Variants in ELOVL2 observed in about 807,000 individuals in gnomAD.
The protein encoded by ELOVL2 is ELOVL fatty acid elongase 2.
Under a neutral mutation model 37.7 loss-of-function variants are expected in ELOVL2, and 38 were observed. The ratio of observed to expected loss-of-function variants is 1.01; its 90% CI spans 0.78 to 1.32. The LOEUF (loss-of-function observed/expected upper bound fraction) is 1.32. Among genes scored for constraint, ELOVL2 ranks in the 40% most tolerant of loss-of-function variants. The pLI is 0.00. For missense variants in ELOVL2, 352 were observed against 363.6 expected, an observed-to-expected ratio of 0.97 and a Z score of 0.26; for synonymous variants, 115 against 122.3, an observed-to-expected ratio of 0.94 and a Z score of 0.40.
Position 11,005,285 on chromosome 6 carries a change from C to T in ELOVL2, c.255+87G>A, listed in dbSNP as rs959392968. On this transcript the variant is annotated intron_variant, in intron 3 of 7. Transcript: ENST00000354666. ...GTTTTTAGGTCTTAAAGTAACCTTG[C>T]ATAGTTCTGCCAGGCTAGATGTGGT... The T allele has an allele frequency of 5.0e-6, 6 of 1,193,764 alleles. No homozygotes were observed. The Admixed American group carries it at 1.1e-4, about 23-fold the overall frequency. 73.9% of individuals were successfully genotyped at this position (1,193,764 alleles called of 1,614,324 possible). A position where few individuals can be genotyped will look rare whatever the true frequency, so the allele number is the denominator to read the frequency against.
At position 10,989,713 on chromosome 6, in the gene ELOVL2, A is replaced by G; in HGVS notation, c.755T>C (p.Phe252Ser). 6.2e-7 allele frequency: 1 copy of G among 1,613,980 alleles called. No homozygotes were observed. The highest frequency in any genetic ancestry group is 8.5e-7 in the Non-Finnish European group (1 of 1,179,848). ...MLTLVILFLN[F>S]YVQTYRKKPM... ...TTACATTCCACGTACCTGAACGTAAAAATTTAAGAAGAGGATGACTAACGT... is the reference window on the plus strand; with the variant it reads ...TTACATTCCACGTACCTGAACGTAAGAATTTAAGAAGAGGATGACTAACGT... The change falls in exon 7 of 8, where the codon TTT becomes TCT. Residue 252 changes from phenylalanine (F) to serine (S), a missense_variant. Physicochemically the swap from Phe to Ser is radical, Grantham distance 155. Transcript: ENST00000354666.
At chr6:10,990,171 CAA>C (rs1355252786) in intron 6 of ELOVL2, 145 bp downstream of exon 6, 8 of 948,638 alleles carry the variant, frequency 8.4e-6, no homozygotes, top group African/African-American at 1.7e-5. Context: ...CATTTCAACA[CAA>C]AAAGTTTAAT....
intron 1 of ELOVL2, among the ~76,000 whole-genome samples, chr6:11,016,326 G>T (rs1291010715): frequency 6.6e-6 from 1 of 152,078 alleles, no homozygotes; most frequent in African/African-American, 2.4e-5. Flanking sequence ...AGACACATTC[G>T]ATGAGAACAG....
intron 3 of ELOVL2, among the ~76,000 whole-genome samples, chr6:11,004,614 A>C (rs775028285): frequency 1.3e-5 from 2 of 152,146 alleles, no homozygotes; most frequent in Non-Finnish European, 2.9e-5. Context: ...CTAAAACGTC[A>C]GTGTTCCAAA....
chr6:11,031,579 T>C (rs1782930622), intron 1 of ELOVL2, among the ~76,000 whole-genome samples: 1 of 152,202 alleles, frequency 6.6e-6, no homozygotes. Flanking sequence ...ATAAGGGTCA[T>C]TTACACATTC....
intron 1 of ELOVL2, among the ~76,000 whole-genome samples, chr6:11,032,366 AGAG>A (rs1305498651): frequency 6.7e-6 from 1 of 150,318 alleles, no homozygotes; most frequent in East Asian, 1.9e-4. Flanking sequence ...AAAAAAATGT[AGAG>A]GAGACTAGGA....
At position 10,989,821 on chromosome 6, in the gene ELOVL2, G is replaced by C; in HGVS notation, c.647C>G (p.Thr216Ser). ...GACGGCGCTCATGGTGTGCGTGATG[G>C]TGAGCACGAACTGCACCTGGGGACG... Reference protein sequence around the residue: ...TQAQLVQFVLTITHTMSAVVK... With the variant: ...TQAQLVQFVLSITHTMSAVVK... The change falls in exon 7 of 8, where the codon ACC (threonine) becomes AGC (serine). Residue 216 changes from threonine to serine, a missense_variant. Physicochemically the swap from Thr to Ser is moderately conservative, Grantham distance 58. Coordinates refer to ENST00000354666, the MANE Select transcript of ELOVL2 (RefSeq NM_017770.4). 1 of 1,614,156 alleles carries C rather than the reference G, an allele frequency of 6.2e-7. No individual in the cohort carries two copies. Among genetic ancestry groups the C allele is most frequent in the South Asian group, 1.1e-5 (1 of 91,084 alleles).
In ELOVL2 at chr6:11,005,390, G is replaced by A. The variant is rs116021127; in HGVS notation, c.237C>T (p.Ser79=). 552 of 1,613,478 alleles carry A rather than the reference G, an allele frequency of 3.4e-4. 5 individuals carry two copies. The highest frequency in any genetic ancestry group is 3.3e-3 in the African/African-American group (249 of 75,024). The part of the protein sequence containing the change: ...TLYNLGITLL[S]AYMLAELILS... ...CACTTACCTCTGCCAGCATGTACGC[G>A]GAGAGAAGTGTGATTCCAAGATTAT... is the stretch of plus-strand genomic sequence containing the variant. Residue 79 remains serine (S), a synonymous_variant, in exon 3 of 8, where the codon TCC becomes TCT. Transcript: ENST00000354666.
rs1015058472 is a variant in ELOVL2 at position 10,981,208 on chromosome 6, A to G, written c.*2573T>C. On this transcript the variant is annotated 3_prime_UTR_variant, in exon 8 of 8. Transcript: ENST00000354666. ...AAAATTGGGGGAATTATTAATAGAT[A>G]TGCTTTACAGTATTTAAGTATTTTC... 33 of 152,458 alleles carry G rather than the reference A, an allele frequency of 2.2e-4. No homozygotes were observed. The highest frequency in any genetic ancestry group is 7.7e-4 in the African/African-American group (32 of 41,590). The allele number at this position is 152,458 out of a possible 1,614,324, so 9.4% of individuals were successfully genotyped here.
In ELOVL2 at chr6:11,016,370, A is replaced by G. The variant is rs113476317; in HGVS notation, c.4-5561T>C. On this transcript the variant is annotated intron_variant, in intron 1 of 7. Coordinates refer to ENST00000354666, the MANE Select transcript of ELOVL2 (RefSeq NM_017770.4). Reference sequence around the variant, plus strand: ...TACCACCAACTCACTGCTTTTTAAAATTAGCAAAAACCATTAAGATCACAA... The same window carrying G: ...TACCACCAACTCACTGCTTTTTAAAGTTAGCAAAAACCATTAAGATCACAA... 2.9e-3 allele frequency among the ~76,000 whole-genome samples: 444 copies of G among 152,338 alleles called. 3 individuals are homozygous for G. The highest frequency in any genetic ancestry group is 0.01 in the African/African-American group (427 of 41,560).
intron 1 of ELOVL2, chr6:11,043,917 G>T (rs1783160408): frequency 1.5e-5 from 4 of 269,556 alleles, no homozygotes; most frequent in Non-Finnish European, 2.8e-5. Context: ...CGGGCGCCCG[G>T]CCCCGTGCAT....
chr6:11,020,225 C>T (rs567799313), intron 1 of ELOVL2, among the ~76,000 whole-genome samples: 58 of 151,960 alleles, frequency 3.8e-4, no homozygotes, highest in Non-Finnish European at 6.9e-4. Context: ...TCTTCCTATC[C>T]ACTTGAAATA....
chr6:11,008,706 A>G (rs942343215), intron 2 of ELOVL2, among the ~76,000 whole-genome samples: 4 of 152,202 alleles, frequency 2.6e-5, no homozygotes, highest in African/African-American at 9.6e-5. Flanking sequence ...GAAGATAAAG[A>G]TATTCTGCCC....
chr6:11,041,908 T>C (rs754613644), intron 1 of ELOVL2, among the ~76,000 whole-genome samples: 1 of 152,216 alleles, frequency 6.6e-6, no homozygotes, highest in African/African-American at 2.4e-5. Context: ...ACAAGACAGT[T>C]CATATTGGAC....
At position 10,986,943 on chromosome 6, in the gene ELOVL2, C is replaced by A. The variant is rs896494045; in HGVS notation, c.765+2760G>T. On this transcript the variant is annotated intron_variant, in intron 7 of 7. Transcript: ENST00000354666. ...GGAATGGTACCAGTTCCTCCTTGTA[C>A]CTCTGGTAGAATTCGGCTGTGAATC... Among the ~76,000 whole-genome samples the A allele has an allele frequency of 6.0e-4, 91 of 152,274 alleles. No individual in the cohort carries two copies. The East Asian group carries it at 0.016, about 27-fold the overall frequency.
rs933437261 is a variant in ELOVL2, at chr6:11,000,152, T to C, written c.268A>G (p.Thr90Ala). The C allele has an allele frequency of 6.2e-7, 1 of 1,613,896 alleles. No homozygotes were observed. The highest frequency in any genetic ancestry group is 8.5e-7 in the Non-Finnish European group (1 of 1,179,978). ...TGTAAGTTGTAGCCTCCTTCCCAAG[T>C]GGAGAGAATGAGCTGCCAAAGAACC... ...AYMLAELILS[T>A]WEGGYNLQCQ... The change falls in exon 4 of 8, where the codon ACT becomes GCT. Residue 90 changes from threonine (T) to alanine (A), a missense_variant. Transcript: ENST00000354666.
chr6:11,044,157 C>T lies in ELOVL2; in HGVS notation c.3+71G>A. On this transcript the variant is annotated intron_variant, in intron 1 of 7. Coordinates refer to ENST00000354666, the MANE Select transcript of ELOVL2 (RefSeq NM_017770.4). The surrounding 1 kb of genome is among the most constrained non-coding windows in gnomAD (Gnocchi z 5.6). ...GCGCCGGCGCCCGCTCGGCCCTTTC[C>T]CGCCCGGTGCGTGGGTCCAGGAGAG... The T allele has an allele frequency of 7.0e-7, 1 of 1,425,152 alleles. No homozygotes were observed. The highest frequency in any genetic ancestry group is 9.2e-7 in the Non-Finnish European group (1 of 1,085,178). The allele number at this position is 1,425,152 out of a possible 1,614,324, so 88.3% of individuals were successfully genotyped here.
chr6:11,043,805 G>C (rs1020095077), intron 1 of ELOVL2: 3 of 164,252 alleles, frequency 1.8e-5, no homozygotes, highest in Admixed American at 1.3e-4. Context: ...TCCAGGCGTC[G>C]GCGGGCGGTG....
intron 3 of ELOVL2, among the ~76,000 whole-genome samples, chr6:11,004,892 C>T (rs1408221852): frequency 1.3e-5 from 2 of 152,162 alleles, no homozygotes; most frequent in Non-Finnish European, 2.9e-5. Context: ...GGCGCAGTGG[C>T]TCACACCTGT....
Sources: allele counts gnomAD v4.1 joint callset (sites outside exome capture counted in the v4.1 genomes callset), GRCh38; gene constraint gnomAD v4.1.1; non-coding constraint Gnocchi (gnomAD v3.1); transcripts MANE v1.5; gene names NCBI Gene and HGNC (gene_info 2026-07-23, HGNC 2026-07-21).